Variants in UBE2E2 observed in about 807,000 individuals in gnomAD.
UBE2E2 encodes the protein ubiquitin-conjugating enzyme E2 E2.
In UBE2E2, 6 loss-of-function variants were observed where a neutral mutation model predicts 24.7. That is an observed-to-expected ratio of 0.24 (90% CI 0.13 to 0.48). UBE2E2 has a LOEUF of 0.48. Ranked by LOEUF, UBE2E2 falls within the 20% of genes least tolerant of loss-of-function variation. The pLI is 0.99. For missense variants in UBE2E2, 169 were observed against 245.0 expected (o/e 0.69, Z 2.07); for synonymous variants, 104 against 83.6 (o/e 1.24, Z -1.33).
chr3:23,263,712 G>T (rs1697964293), intron 3 of UBE2E2, among the ~76,000 whole-genome samples: 1 of 152,106 alleles, frequency 6.6e-6, no homozygotes, highest in South Asian at 2.1e-4. Context: ...CAGTCATTTT[G>T]ATTTTTATAG....
intron 3 of UBE2E2, among the ~76,000 whole-genome samples, chr3:23,365,223 A>T (rs1421646505): frequency 6.6e-6 from 1 of 152,198 alleles, no homozygotes; most frequent in African/African-American, 2.4e-5. Flanking sequence ...CAAGGCAAGG[A>T]TGCCAACTCT....
chr3:23,360,265 C>T (rs188298943), intron 3 of UBE2E2, among the ~76,000 whole-genome samples: 2 of 152,136 alleles, frequency 1.3e-5, no homozygotes, highest in African/African-American at 4.8e-5. Flanking sequence ...GAAGTGAGTG[C>T]TGTAACTTAG....
chr3:23,375,463 C>T (rs1188040554), intron 3 of UBE2E2, among the ~76,000 whole-genome samples: 1 of 152,128 alleles, frequency 6.6e-6, no homozygotes. Flanking sequence ...AGTCCTCATC[C>T]TCAATGAATT....
intron 3 of UBE2E2, among the ~76,000 whole-genome samples, chr3:23,362,720 A>C (rs1027483107): frequency 6.6e-6 from 1 of 151,726 alleles, no homozygotes; most frequent in African/African-American, 2.4e-5. Flanking sequence ...AGAGGGTGCA[A>C]CCTCCCTTTG....
intron 3 of UBE2E2, among the ~76,000 whole-genome samples, chr3:23,316,208 T>TC (rs1301480821): frequency 6.6e-6 from 1 of 152,094 alleles, no homozygotes; most frequent in African/African-American, 2.4e-5. Context: ...GGTGATGCCT[T>TC]CCCTTAGGTC....
intron 3 of UBE2E2, among the ~76,000 whole-genome samples, chr3:23,421,283 A>T (rs1314395040): frequency 6.6e-6 from 1 of 152,232 alleles, no homozygotes; most frequent in Non-Finnish European, 1.5e-5. Context: ...AGTCTAGCAC[A>T]ACTGGCTTAG....
chr3:23,414,283 C>T (rs1697571640), intron 3 of UBE2E2, among the ~76,000 whole-genome samples: 2 of 152,174 alleles, frequency 1.3e-5, no homozygotes, highest in Non-Finnish European at 2.9e-5. Flanking sequence ...ATTCAATCTA[C>T]CTTACTCTGT....
In UBE2E2 at chr3:23,512,558, C is replaced by G. The variant is rs568788754; in HGVS notation, c.360+12818C>G. ...CCAACCAGCCATACTTTAGGTCACT[C>G]TTTGTGTTCTTTTCTGTAGTCCCTT... On this transcript the variant is annotated intron_variant, in intron 4 of 5. Coordinates refer to ENST00000396703, the MANE Select transcript of UBE2E2 (RefSeq NM_152653.4). Among the ~76,000 whole-genome samples, 30 of 152,120 alleles carry G rather than the reference C, an allele frequency of 2.0e-4. No individual in the cohort carries two copies. In the East Asian group the frequency reaches 4.8e-3, roughly 25 times the overall value.
chr3:23,246,079 C>G (rs35743404), intron 3 of UBE2E2, among the ~76,000 whole-genome samples: 16,144 of 152,142 alleles, frequency 0.11, 983 homozygotes, highest in East Asian at 0.13. Context: ...TAGTCTTGTT[C>G]TATCACCCAA....
intron 3 of UBE2E2, among the ~76,000 whole-genome samples, chr3:23,288,568 A>G (rs924559420): frequency 6.6e-6 from 1 of 152,158 alleles, no homozygotes; most frequent in Non-Finnish European, 1.5e-5. Context: ...TAGCTCAACA[A>G]TATTTGCTGT....
chr3:23,254,444 T>C (rs1489785402), intron 3 of UBE2E2, among the ~76,000 whole-genome samples: 1 of 152,170 alleles, frequency 6.6e-6, no homozygotes, highest in East Asian at 1.9e-4. Context: ...AGCCGGTGTT[T>C]AAGAAGCTGG....
chr3:23,534,128 CTT>C (rs1158079342), intron 5 of UBE2E2: 34,778 of 433,914 alleles, frequency 0.08, 95 homozygotes, highest in African/African-American at 0.11. Context: ...TGCAAGAAGG[CTT>C]TTTTTTTTTT....
At chr3:23,229,448 A>G (rs1696917540) in intron 3 of UBE2E2, among the ~76,000 whole-genome samples, 1 of 152,022 alleles carries the variant, frequency 6.6e-6, no homozygotes, top group South Asian at 2.1e-4. Context: ...CCCTCTTCCC[A>G]CCCTTTCCCC....
At chr3:23,509,357 A>G (rs771645061) in intron 4 of UBE2E2, among the ~76,000 whole-genome samples, 2 of 152,194 alleles carry the variant, frequency 1.3e-5, no homozygotes, top group Non-Finnish European at 2.9e-5. Context: ...TCCACTTGAG[A>G]GATGGGATGG....
At chr3:23,354,482 A>C (rs1407684016) in intron 3 of UBE2E2, among the ~76,000 whole-genome samples, 1 of 152,232 alleles carries the variant, frequency 6.6e-6, no homozygotes, top group African/African-American at 2.4e-5. Context: ...CAACCTACTC[A>C]TCTGACAAAG....
Position 23,302,393 on chromosome 3 carries a change from A to G in UBE2E2, c.227+85081A>G, listed in dbSNP as rs1049792133. ...CCAGTTATGCCTTTTGACTTTATTT[A>G]TTGCAATTTCCCCACCACTAAAATA... is the stretch of plus-strand genomic sequence containing the variant. On this transcript the variant is annotated intron_variant, in intron 3 of 5. Transcript: ENST00000396703. Among the ~76,000 whole-genome samples the G allele has an allele frequency of 1.3e-4, 20 of 152,232 alleles. No individual in the cohort carries two copies. The East Asian group carries it at 2.5e-3, about 19-fold the overall frequency.
At chr3:23,297,679 G>T (rs1448594966) in intron 3 of UBE2E2, among the ~76,000 whole-genome samples, 6 of 152,028 alleles carry the variant, frequency 3.9e-5, no homozygotes, top group Non-Finnish European at 8.8e-5. Context: ...ATGCTGTTTT[G>T]GTTACTGTAG....
intron 3 of UBE2E2, among the ~76,000 whole-genome samples, chr3:23,307,431 T>G (rs945676923): frequency 6.6e-6 from 1 of 152,200 alleles, no homozygotes; most frequent in Non-Finnish European, 1.5e-5. Flanking sequence ...TGCTTTTACC[T>G]CTACTCCCTG....
At chr3:23,330,458 T>C (rs1325221255) in intron 3 of UBE2E2, among the ~76,000 whole-genome samples, 1 of 152,206 alleles carries the variant, frequency 6.6e-6, no homozygotes, top group Non-Finnish European at 1.5e-5. Context: ...AGGTGACAGC[T>C]GTTTTTAAAA....
Sources: gnomAD v4.1 joint callset for allele counts (sites outside exome capture counted in the v4.1 genomes callset) on GRCh38, gnomAD v4.1.1 for gene constraint, MANE v1.5 for transcripts, NCBI Gene and HGNC (gene_info 2026-07-23, HGNC 2026-07-21) for gene names.